The following USP46 variants were observed in gnomAD, a reference collection of about 807,000 sequenced individuals.
USP46 encodes ubiquitin carboxyl-terminal hydrolase 46.
A neutral mutation model predicts 44.4 loss-of-function variants in USP46; 12 were observed. The observed-to-expected ratio is 0.27, with a 90% CI of 0.17 to 0.44. The LOEUF is 0.44. Among genes scored for constraint, USP46 ranks in the 20% least tolerant of loss-of-function variants. USP46 has a pLI of 1.00. For synonymous variants in USP46, 155 were observed against 161.5 expected (o/e 0.96, Z 0.31); for missense variants, 248 against 444.8 (o/e 0.56, Z 3.98).
chr4:52,591,863 T>C lies in USP46; in HGVS notation c.*5777A>G, dbSNP rs1437137743. On this transcript the variant is annotated 3_prime_UTR_variant, in exon 9 of 9. Coordinates refer to ENST00000441222, the MANE Select transcript of USP46 (RefSeq NM_022832.4). ...TTGTTTAGAAATAACAGATATTTGA[T>C]TCATAAAGCTCACTGTTGAGGCTTT... 6.6e-6 allele frequency: 1 copy of C among 152,228 alleles called. No homozygotes were observed. Among genetic ancestry groups the C allele is most frequent in the African/African-American group, 2.4e-5 (1 of 41,464 alleles). 9.4% of individuals were successfully genotyped at this position (152,228 alleles called of 1,614,324 possible).
At chr4:52,656,231 G>A (rs1028247723) in intron 1 of USP46, 6 of 1,503,166 alleles carry the variant, frequency 4.0e-6, no homozygotes, top group South Asian at 2.4e-5. Context: ...AGTTAGGAGC[G>A]GGAAGGGTCA....
rs1326795936 is a variant in USP46 at position 52,594,280 on chromosome 4, T to G, written c.*3360A>C. 1 of 152,228 alleles carries G rather than the reference T, an allele frequency of 6.6e-6. No individual in the cohort carries two copies. Among genetic ancestry groups the G allele is most frequent in the African/African-American group, 2.4e-5 (1 of 41,462 alleles). 9.4% of individuals were successfully genotyped at this position (152,228 alleles called of 1,614,324 possible). A position where few individuals can be genotyped will look rare whatever the true frequency, so the allele number is the denominator to read the frequency against. ...ACATTATTGCTTAAAGTGCTTGAAT[T>G]GGTTACATTTTAAAAAATTAAGGTA... On this transcript the variant is annotated 3_prime_UTR_variant, in exon 9 of 9. Transcript: ENST00000441222.
intron 2 of USP46, among the ~76,000 whole-genome samples, chr4:52,630,135 C>T (rs545295346): frequency 1.4e-3 from 209 of 152,302 alleles, no homozygotes; most frequent in Middle Eastern, 0.014. Flanking sequence ...AAGAAGAAAG[C>T]TCACGAGGAT....
chr4:52,653,400 G>T (rs1718838767), intron 1 of USP46, among the ~76,000 whole-genome samples: 1 of 149,676 alleles, frequency 6.7e-6, no homozygotes, highest in Non-Finnish European at 1.5e-5. Context: ...AGCTGCTCAG[G>T]AGATTGAGGC....
intron 1 of USP46, among the ~76,000 whole-genome samples, chr4:52,651,486 G>C (rs73248674): frequency 6.6e-6 from 1 of 151,958 alleles, no homozygotes; most frequent in Non-Finnish European, 1.5e-5. Flanking sequence ...GTTTAATGAG[G>C]TAATACTCAT....
At chr4:52,655,472 T>C (rs1259651651) in intron 1 of USP46, 1 of 152,240 alleles carries the variant, frequency 6.6e-6, no homozygotes, top group Non-Finnish European at 1.5e-5. Flanking sequence ...CTGAAGCAAC[T>C]TGCATTGGTA....
chr4:52,654,435 T>C (rs528471532), intron 1 of USP46, among the ~76,000 whole-genome samples: 2 of 152,362 alleles, frequency 1.3e-5, no homozygotes, highest in South Asian at 2.1e-4. Flanking sequence ...CTTAGGTAAG[T>C]AGTTGACTTA....
At chr4:52,602,124 T>C (rs1280733835) in intron 6 of USP46, 70 bp from the exon 7 acceptor site, 12 of 1,503,872 alleles carry the variant, frequency 8.0e-6, no homozygotes, top group Non-Finnish European at 9.9e-6. Context: ...CACTGTCATC[T>C]GCACAAACAG....
intron 1 of USP46, among the ~76,000 whole-genome samples, chr4:52,632,984 GAAAAGAAA>G (rs368082950): frequency 1.9e-5 from 1 of 52,536 alleles, no homozygotes; most frequent in Admixed American, 2.1e-4. Context: ...AAGAAAGAAA[GAAAAGAAA>G]AGAAAGAAAG....
At chr4:52,634,355 A>C (rs1718027073) in intron 1 of USP46, among the ~76,000 whole-genome samples, 1 of 150,524 alleles carries the variant, frequency 6.6e-6, no homozygotes. Flanking sequence ...CTAAAAATAC[A>C]AAAATTGACC....
At chr4:52,641,829 G>A (rs1718354780) in intron 1 of USP46, among the ~76,000 whole-genome samples, 1 of 152,164 alleles carries the variant, frequency 6.6e-6, no homozygotes, top group African/African-American at 2.4e-5. Flanking sequence ...GTACAAGGAA[G>A]GGACACAAGA....
At chr4:52,651,119 A>G (rs1011866093) in intron 1 of USP46, 1 of 151,614 alleles carries the variant, frequency 6.6e-6, no homozygotes, top group African/African-American at 2.4e-5. Context: ...AGAAAGAAAG[A>G]GAAAAAAGAA....
intron 2 of USP46, chr4:52,629,744 TC>T: frequency 2.2e-6 from 1 of 456,190 alleles, no homozygotes; most frequent in Non-Finnish European, 4.4e-6. Context: ...CAGCTTCATG[TC>T]AGGGTTTTAA....
At chr4:52,599,162 G>C (rs566115308) in intron 7 of USP46, among the ~76,000 whole-genome samples, 17 of 151,716 alleles carry the variant, frequency 1.1e-4, no homozygotes, top group African/African-American at 4.1e-4. Flanking sequence ...TGGGATATGA[G>C]TGATGGGAGG....
At chr4:52,634,509 CAAA>C (rs1167932000) in intron 1 of USP46, among the ~76,000 whole-genome samples, 5 of 66,978 alleles carry the variant, frequency 7.5e-5, no homozygotes, top group Admixed American at 3.4e-4. Flanking sequence ...GACTTTGTCT[CAAA>C]AAAAAAAAAA....
chr4:52,620,828 T>C (rs887609379), intron 4 of USP46, among the ~76,000 whole-genome samples: 2 of 152,254 alleles, frequency 1.3e-5, no homozygotes, highest in African/African-American at 4.8e-5. Flanking sequence ...AAAATGCTCA[T>C]AGCTGCATTG....
intron 1 of USP46, among the ~76,000 whole-genome samples, chr4:52,635,335 G>C (rs1398827831): frequency 1.3e-5 from 2 of 152,016 alleles, no homozygotes; most frequent in African/African-American, 4.8e-5. Flanking sequence ...CATACACCCA[G>C]ACAAATGTGC....
At chr4:52,632,820 A>AAGAAC (rs1043900197) in intron 1 of USP46, among the ~76,000 whole-genome samples, 2 of 151,050 alleles carry the variant, frequency 1.3e-5, no homozygotes, top group African/African-American at 2.4e-5. Context: ...CAAGAAGGAA[A>AAGAAC]AGAACAGAAC....
intron 5 of USP46, among the ~76,000 whole-genome samples, chr4:52,605,029 T>C (rs1716633520): frequency 1.3e-5 from 2 of 152,208 alleles, no homozygotes; most frequent in Admixed American, 1.3e-4. Flanking sequence ...TCACATAACA[T>C]GCAAGGTGAC....
Sources: allele counts gnomAD v4.1 joint callset (sites outside exome capture counted in the v4.1 genomes callset), GRCh38; gene constraint gnomAD v4.1.1; transcripts MANE v1.5; gene names NCBI Gene and HGNC (gene_info 2026-07-23, HGNC 2026-07-21).